Variants in ZNF227 observed in about 807,000 individuals in gnomAD.
The protein encoded by ZNF227 is zinc finger protein 227.
A neutral mutation model predicts 13.2 loss-of-function variants in ZNF227; 12 were observed. That is an observed-to-expected ratio of 0.91 (90% CI 0.58 to 1.47). The LOEUF is 1.47. Among genes scored for constraint, ZNF227 ranks in the 40% most tolerant of loss-of-function variants. The pLI is 0.00. For missense variants in ZNF227, 885 were observed against 967.5 expected (o/e 0.91, Z 1.13); for synonymous variants, 338 against 326.0 (o/e 1.04, Z -0.40).
rs961350645 is a variant in ZNF227, at chr19:44,236,757, T to C, written c.2327T>C (p.Ile776Thr). Residue 776 changes from isoleucine (I) to threonine (T), a missense_variant, in exon 6 of 6, where the codon ATA (isoleucine) becomes ACA (threonine). Coordinates refer to ENST00000313040, the MANE Select transcript of ZNF227 (RefSeq NM_182490.3). The stretch of plus-strand genomic sequence containing the variant: ...GGAGAAAAACCATACAAATGTGACA[T>C]ATGTGATAAGGACTTCCGTCACCGT... ...HTGEKPYKCD[I>T]CDKDFRHRSR... The C allele has an allele frequency of 3.1e-6, 5 of 1,613,512 alleles. No individual in the cohort carries two copies. In the Admixed American group the frequency reaches 6.7e-5, roughly 22 times the overall value.
chr19:44,233,316 G>A (rs888060391), intron 5 of ZNF227, among the ~76,000 whole-genome samples: 3 of 151,978 alleles, frequency 2.0e-5, no homozygotes, highest in Admixed American at 6.6e-5. Flanking sequence ...ATTTCCTATA[G>A]TAGTACTCTT....
chr19:44,232,043 G>C (rs1005220680), intron 5 of ZNF227, among the ~76,000 whole-genome samples: 1 of 152,136 alleles, frequency 6.6e-6, no homozygotes, highest in Admixed American at 6.5e-5. Context: ...TACCAAAACA[G>C]TTATATAACC....
In ZNF227 at chr19:44,230,935, A is replaced by C. The variant is rs1031096302; in HGVS notation, c.271+1119A>C. The stretch of plus-strand genomic sequence containing the variant: ...AAAAAAAAAAAAAAAAAATATATAT[A>C]TATATATATATATATATATCTTAGC... On this transcript the variant is annotated intron_variant, in intron 5 of 5. Coordinates refer to ENST00000313040, the MANE Select transcript of ZNF227 (RefSeq NM_182490.3). Among the ~76,000 whole-genome samples the C allele has an allele frequency of 4.8e-4, 63 of 130,370 alleles. 3 individuals are homozygous for C. The highest frequency in any genetic ancestry group is 1.6e-3 in the African/African-American group (47 of 29,864). The allele number at this position is 130,370 out of a possible 152,430, so 85.5% of individuals were successfully genotyped here.
Position 44,235,729 on chromosome 19 carries a change from G to A in ZNF227, c.1299G>A (p.Glu433=), listed in dbSNP as rs142361245. Residue 433 remains glutamate, a synonymous_variant, in exon 6 of 6, where the codon GAG becomes GAA. Coordinates refer to ENST00000313040, the MANE Select transcript of ZNF227 (RefSeq NM_182490.3). ...TCCATCAGAGAGTCCACACTGGAGA[G>A]AAACCCTACAAGTGTGATGTGTGTG... ...FHIHQRVHTG[E]KPYKCDVCGK... 101 of 1,613,994 alleles carry A rather than the reference G, an allele frequency of 6.3e-5. No homozygotes were observed. The African/African-American group carries it at 1.2e-3, about 19-fold the overall frequency.
At chr19:44,217,555 C>T (rs752175489) in intron 2 of ZNF227, 5 of 686,138 alleles carry the variant, frequency 7.3e-6, no homozygotes, top group Middle Eastern at 4.7e-4. Context: ...TCGTTTCCTG[C>T]TGTCTCTGCC....
intron 3 of ZNF227, among the ~76,000 whole-genome samples, chr19:44,226,193 TG>T (rs565095726): frequency 3.9e-5 from 6 of 152,222 alleles, no homozygotes; most frequent in South Asian, 2.1e-4. Flanking sequence ...CTGCCCCTAC[TG>T]GGGGGGTGTC....
chr19:44,236,431 G>C lies in ZNF227; in HGVS notation c.2001G>C (p.Lys667Asn). ...EKPYKCDVCG[K>N]GFRYSSQFIY... is the part of the protein sequence containing the mutation. ...CATACAAATGTGATGTGTGTGGAAAGGGCTTTAGATACAGTTCGCAGTTTA... is the reference window on the plus strand; with the variant it reads ...CATACAAATGTGATGTGTGTGGAAACGGCTTTAGATACAGTTCGCAGTTTA... The change falls in exon 6 of 6, where the codon AAG (lysine) becomes AAC (asparagine). Residue 667 changes from lysine (K) to asparagine (N), a missense_variant. Coordinates refer to ENST00000313040, the MANE Select transcript of ZNF227 (RefSeq NM_182490.3). 2 of 1,613,904 alleles carry C rather than the reference G, an allele frequency of 1.2e-6. No homozygotes were observed. The highest frequency in any genetic ancestry group is 1.7e-6 in the Non-Finnish European group (2 of 1,179,990).
At chr19:44,233,027 G>A (rs1974009744) in intron 5 of ZNF227, among the ~76,000 whole-genome samples, 2 of 151,946 alleles carry the variant, frequency 1.3e-5, no homozygotes, top group African/African-American at 4.8e-5. Context: ...AGTTCAGGCT[G>A]TGGACATCTC....
At chr19:44,222,239 G>A (rs189899386) in intron 3 of ZNF227, among the ~76,000 whole-genome samples, 2,553 of 152,172 alleles carry the variant, frequency 0.017, 72 homozygotes, top group African/African-American at 0.058. Context: ...TTGACTTGGC[G>A]ATGTGGGCTC....
intron 5 of ZNF227, among the ~76,000 whole-genome samples, 169 bp from the exon 6 acceptor site, chr19:44,234,532 AC>A (rs1209984133): frequency 1.6e-4 from 25 of 152,308 alleles, no homozygotes; most frequent in African/African-American, 6.0e-4. Context: ...CTTCGTTTAC[AC>A]CTGTATGAAA....
At chr19:44,220,878 A>G (rs1164573300) in intron 3 of ZNF227, among the ~76,000 whole-genome samples, 4 of 150,434 alleles carry the variant, frequency 2.7e-5, no homozygotes, top group Admixed American at 1.3e-4. Context: ...CTCATTGTTC[A>G]GTTCCCACCT....
chr19:44,209,957 C>T (rs1478243571), upstream of ZNF227, among the ~76,000 whole-genome samples: 1 of 152,126 alleles, frequency 6.6e-6, no homozygotes, highest in East Asian at 1.9e-4. Context: ...GAACTATGTC[C>T]CATTCTTTAC....
chr19:44,214,374 CTTTTTTT>C (rs918025743), intron 2 of ZNF227, among the ~76,000 whole-genome samples: 2 of 148,704 alleles, frequency 1.3e-5, no homozygotes, highest in African/African-American at 2.5e-5. Flanking sequence ...TTTCTTTTTT[CTTTTTTT>C]TTCTTTTTTT....
Position 44,235,064 on chromosome 19 carries a change from C to G in ZNF227, c.634C>G (p.Pro212Ala). ...QIHEDFMKKSPFHEHIKTDTE... is the reference protein window; with the variant it reads ...QIHEDFMKKSAFHEHIKTDTE... Reference sequence around the variant, plus strand: ...ACATGAAGACTTCATGAAGAAATCACCATTTCATGAGCATATTAAAACTGA... The same window carrying G: ...ACATGAAGACTTCATGAAGAAATCAGCATTTCATGAGCATATTAAAACTGA... The change falls in exon 6 of 6, where the codon CCA (proline) becomes GCA (alanine). Residue 212 changes from proline to alanine, a missense_variant. Coordinates refer to ENST00000313040, the MANE Select transcript of ZNF227 (RefSeq NM_182490.3). The G allele has an allele frequency of 1.2e-6, 2 of 1,613,840 alleles. No homozygotes were observed. The highest frequency in any genetic ancestry group is 1.7e-6 in the Non-Finnish European group (2 of 1,179,954).
rs1971438750 is a variant in ZNF227, at chr19:44,212,572, T to C, written c.-171T>C. On this transcript the variant is annotated 5_prime_UTR_variant, in exon 1 of 6. Transcript: ENST00000313040. ...CCGGAAAGCGAGGCCGCCACCATCTTTTGGGTCCGGGAGGTGAGTCAGCCC... is the reference window on the plus strand; with the variant it reads ...CCGGAAAGCGAGGCCGCCACCATCTCTTGGGTCCGGGAGGTGAGTCAGCCC... 6.6e-6 allele frequency: 1 copy of C among 152,154 alleles called. No individual in the cohort carries two copies. The highest frequency in any genetic ancestry group is 2.4e-5 in the African/African-American group (1 of 41,388). The allele number at this position is 152,154 out of a possible 1,614,324, so 9.4% of individuals were successfully genotyped here.
At chr19:44,227,279 C>T (rs551951279) in intron 3 of ZNF227, 3 of 152,248 alleles carry the variant, frequency 2.0e-5, no homozygotes, top group African/African-American at 7.2e-5. Context: ...GTGTCTCACC[C>T]CTGTCACCCA....
At chr19:44,228,285 A>C in intron 3 of ZNF227, 161 bp from the exon 4 acceptor site, 8 of 736,024 alleles carry the variant, frequency 1.1e-5, no homozygotes, top group Non-Finnish European at 1.7e-5. Flanking sequence ...GGATGAGCGT[A>C]GGAGATAGTG....
upstream of ZNF227, among the ~76,000 whole-genome samples, chr19:44,208,466 G>C (rs936033412): frequency 8.5e-5 from 13 of 152,086 alleles, no homozygotes; most frequent in Non-Finnish European, 4.4e-5. Context: ...TATTCAAAAG[G>C]GACAAATCTC....
rs904588166 is a variant in ZNF227 at position 44,236,552 on chromosome 19, A to G, written c.2122A>G (p.Arg708Gly). 24 of 1,613,970 alleles carry G rather than the reference A, an allele frequency of 1.5e-5. No individual in the cohort carries two copies. Among genetic ancestry groups the G allele is most frequent in the Non-Finnish European group, 1.0e-5 (12 of 1,180,022 alleles). The change falls in exon 6 of 6, where the codon AGG (arginine) becomes GGG (glycine). Residue 708 changes from arginine to glycine, a missense_variant. Arg to Gly is a moderately radical substitution (Grantham distance 125). Coordinates refer to ENST00000313040, the MANE Select transcript of ZNF227 (RefSeq NM_182490.3). ...GAGCTTGAATCTTCGCCATCATCAG[A>G]GGGTCCACACGGGAGAGAAACCCCA... ...GRSLNLRHHQ[R>G]VHTGEKPHIC...
Sources: allele counts gnomAD v4.1 joint callset (sites outside exome capture counted in the v4.1 genomes callset), GRCh38; gene constraint gnomAD v4.1.1; transcripts MANE v1.5; gene names NCBI Gene and HGNC (gene_info 2026-07-23, HGNC 2026-07-21).